The following IFT56 variants were observed in gnomAD, a reference collection of about 807,000 sequenced individuals.
IFT56 encodes the protein intraflagellar transport protein 56.
chr7:139,163,037 T>C, the IFT56 span, among the ~76,000 whole-genome samples: 2 of 150,722 alleles, frequency 1.3e-5, no homozygotes, highest in Non-Finnish European at 3.0e-5. Flanking sequence ...CTTTACACAG[T>C]ATGCATTTAG....
chr7:139,177,657 T>C, the IFT56 span, among the ~76,000 whole-genome samples: 1 of 150,638 alleles, frequency 6.6e-6, no homozygotes, highest in Non-Finnish European at 1.5e-5. Context: ...GTACATAGTA[T>C]ATCAGACTGT....
At chr7:139,171,585 G>A in the IFT56 span, among the ~76,000 whole-genome samples, 1 of 152,148 alleles carries the variant, frequency 6.6e-6, no homozygotes, top group Non-Finnish European at 1.5e-5. Context: ...AGAACCTGTA[G>A]AGAAAGGACA....
At chr7:139,135,741 G>A in the IFT56 span, among the ~76,000 whole-genome samples, 2 of 152,158 alleles carry the variant, frequency 1.3e-5, no homozygotes, top group Non-Finnish European at 2.9e-5. Flanking sequence ...TGTTATAGGA[G>A]GGTGAAGGGT....
chr7:139,184,213 G>C, the IFT56 span, among the ~76,000 whole-genome samples: 1 of 152,136 alleles, frequency 6.6e-6, no homozygotes, highest in African/African-American at 2.4e-5. Flanking sequence ...TTTCAGATCT[G>C]CTTAATAGGG....
the IFT56 span, among the ~76,000 whole-genome samples, chr7:139,174,439 CGTG>C: frequency 1.3e-5 from 2 of 152,086 alleles, no homozygotes; most frequent in Non-Finnish European, 2.9e-5. Flanking sequence ...GGTTCCCGAC[CGTG>C]TGTGAGCAGC....
At chr7:139,186,921 C>T in the IFT56 span, among the ~76,000 whole-genome samples, 1 of 149,614 alleles carries the variant, frequency 6.7e-6, no homozygotes, top group Non-Finnish European at 1.5e-5. Context: ...GGTGAAACCC[C>T]GTCTCTACTA....
the IFT56 span, among the ~76,000 whole-genome samples, chr7:139,180,709 A>C: frequency 8.7e-6 from 1 of 115,306 alleles, no homozygotes. Flanking sequence ...ACTCTGTCTC[A>C]AAAAAAAAAA....
At chr7:139,156,068 A>C in the IFT56 span, among the ~76,000 whole-genome samples, 1 of 152,142 alleles carries the variant, frequency 6.6e-6, no homozygotes, top group South Asian at 2.1e-4. Flanking sequence ...TTCTTGAGTC[A>C]GTTCTGATAG....
the IFT56 span, among the ~76,000 whole-genome samples, chr7:139,176,812 A>T: frequency 3.1e-3 from 466 of 152,318 alleles, 7 homozygotes; most frequent in East Asian, 8.7e-3. Flanking sequence ...TGTTGAGGAT[A>T]CAGCAGTAAA....
At chr7:139,190,221 A>T in the IFT56 span, 1 of 144,102 alleles carries the variant, frequency 6.9e-6, no homozygotes, top group African/African-American at 2.8e-5. Context: ...AACAAACATC[A>T]GTTTTTGTTG....
chr7:139,148,214 T>A, the IFT56 span: 2 of 1,610,226 alleles, frequency 1.2e-6, no homozygotes, highest in South Asian at 1.1e-5. Context: ...AGGGAATACC[T>A]TGCCCTTAAT....
chr7:139,183,101 T>C, the IFT56 span, among the ~76,000 whole-genome samples: 1 of 152,210 alleles, frequency 6.6e-6, no homozygotes, highest in South Asian at 2.1e-4. Flanking sequence ...AGTATATCTG[T>C]AGGCAGAAGA....
the IFT56 span, chr7:139,168,581 AC>A: frequency 4.0e-3 from 2,185 of 541,168 alleles, 50 homozygotes; most frequent in African/African-American, 0.041. Flanking sequence ...AAAAAAAAAA[AC>A]AAAAAAAAAA....
chr7:139,163,433 A>G, the IFT56 span, among the ~76,000 whole-genome samples: 3 of 152,176 alleles, frequency 2.0e-5, no homozygotes, highest in African/African-American at 7.2e-5. Flanking sequence ...CACATCATGG[A>G]GCAAGAGGAC....
At chr7:139,187,569 T>TA in the IFT56 span, 2 of 1,609,884 alleles carry the variant, frequency 1.2e-6, no homozygotes, top group Non-Finnish European at 1.7e-6. Context: ...ATACTACCTC[T>TA]ACTCATTTGC....
the IFT56 span, among the ~76,000 whole-genome samples, chr7:139,146,782 A>AG: frequency 1.4e-4 from 22 of 151,760 alleles, no homozygotes; most frequent in African/African-American, 4.6e-4. Context: ...AAAAAAAAAA[A>AG]AAGAAGAAAG....
the IFT56 span, chr7:139,169,324 G>T: frequency 2.5e-6 from 4 of 1,613,916 alleles, no homozygotes; most frequent in Non-Finnish European, 3.4e-6. Context: ...AGTTCTTCCA[G>T]TTGGTGGGAG....
the IFT56 span, among the ~76,000 whole-genome samples, chr7:139,135,341 T>C: frequency 6.6e-6 from 1 of 151,308 alleles, no homozygotes; most frequent in Non-Finnish European, 1.5e-5. Flanking sequence ...TGAGTATGTC[T>C]AGTTCACCAA....
the IFT56 span, chr7:139,160,848 G>C: frequency 1.3e-6 from 1 of 782,790 alleles, no homozygotes; most frequent in African/African-American, 1.8e-5. Context: ...AAATGAAATA[G>C]CATGTTAAAT....
Sources: gnomAD v4.1 joint callset for allele counts (sites outside exome capture counted in the v4.1 genomes callset) on GRCh38, gnomAD v4.1.1 for gene constraint, MANE v1.5 for transcripts, NCBI Gene and HGNC (gene_info 2026-07-23, HGNC 2026-07-21) for gene names.